The following OPCML variants were observed in gnomAD, a reference collection of about 807,000 sequenced individuals.
OPCML encodes opioid binding protein/cell adhesion molecule like.
OPCML carries 13 observed loss-of-function variants against 37.8 expected under a neutral mutation model. That is an observed-to-expected ratio of 0.34 (90% CI 0.22 to 0.55). The LOEUF (loss-of-function observed/expected upper bound fraction) is 0.55. Among genes scored for constraint, OPCML ranks in the 20% least tolerant of loss-of-function variants. The pLI, the probability that OPCML is intolerant of heterozygous loss-of-function variation, is 0.91. For missense variants in OPCML, 341 were observed against 435.6 expected (o/e 0.78, Z 1.93); for synonymous variants, 176 against 168.8 (o/e 1.04, Z -0.33).
At chr11:133,283,158 C>G (rs1942205086) in intron 1 of OPCML, among the ~76,000 whole-genome samples, 1 of 151,952 alleles carries the variant, frequency 6.6e-6, no homozygotes, top group Admixed American at 6.6e-5. Flanking sequence ...AGGGAAGGGG[C>G]AGAATAATGC....
chr11:133,053,686 G>A (rs576759919), intron 1 of OPCML, among the ~76,000 whole-genome samples: 3 of 151,994 alleles, frequency 2.0e-5, no homozygotes, highest in Admixed American at 6.5e-5. Flanking sequence ...GCTTTTCTTC[G>A]ACCTAACCTC....
At chr11:133,363,968 G>A (rs573232604) in intron 1 of OPCML, among the ~76,000 whole-genome samples, 4 of 152,196 alleles carry the variant, frequency 2.6e-5, no homozygotes, top group Admixed American at 2.0e-4. Flanking sequence ...TAGCCCTGAC[G>A]CTGCACAGCA....
intron 1 of OPCML, among the ~76,000 whole-genome samples, chr11:133,356,758 G>A (rs752817716): frequency 1.3e-5 from 2 of 152,200 alleles, no homozygotes; most frequent in African/African-American, 2.4e-5. Flanking sequence ...CGGTGTCACA[G>A]GTGTGGCAGG....
At chr11:133,464,611 T>C (rs1219564094) in intron 1 of OPCML, among the ~76,000 whole-genome samples, 1 of 151,986 alleles carries the variant, frequency 6.6e-6, no homozygotes, top group Non-Finnish European at 1.5e-5. Flanking sequence ...TGGCATCCTG[T>C]GAGAAGAAAG....
At chr11:133,003,305 T>C (rs1160234386) in intron 1 of OPCML, among the ~76,000 whole-genome samples, 1 of 152,186 alleles carries the variant, frequency 6.6e-6, no homozygotes, top group Non-Finnish European at 1.5e-5. Context: ...TTCCTAAGGC[T>C]CCAGGGAAGC....
At chr11:133,451,766 C>T (rs550759308) in intron 1 of OPCML, among the ~76,000 whole-genome samples, 3 of 151,162 alleles carry the variant, frequency 2.0e-5, no homozygotes, top group South Asian at 4.2e-4. Context: ...TGCTTGAACC[C>T]GGGAGGTGGA....
At chr11:133,224,120 ATCCT>A (rs1939943325) in intron 1 of OPCML, among the ~76,000 whole-genome samples, 1 of 152,148 alleles carries the variant, frequency 6.6e-6, no homozygotes, top group South Asian at 2.1e-4. Flanking sequence ...ATGCTTTGTA[ATCCT>A]CCAGCAGCTG....
intron 2 of OPCML, among the ~76,000 whole-genome samples, chr11:132,909,085 G>A (rs964472583): frequency 6.6e-5 from 10 of 152,196 alleles, no homozygotes; most frequent in Non-Finnish European, 8.8e-5. Context: ...CCACCCACAC[G>A]GCAGAGCTGA....
intron 1 of OPCML, among the ~76,000 whole-genome samples, chr11:133,271,177 G>C (rs2136480647): frequency 6.6e-6 from 1 of 152,092 alleles, no homozygotes; most frequent in East Asian, 1.9e-4. Flanking sequence ...AAAATAAGAG[G>C]GTGATAATGC....
chr11:133,472,952 C>T (rs1175564575), intron 1 of OPCML, among the ~76,000 whole-genome samples: 1 of 152,082 alleles, frequency 6.6e-6, no homozygotes, highest in Non-Finnish European at 1.5e-5. Flanking sequence ...TGCCCACACA[C>T]TAATGGCCCA....
At chr11:133,518,198 T>C (rs1382164759) in intron 1 of OPCML, among the ~76,000 whole-genome samples, 3 of 151,836 alleles carry the variant, frequency 2.0e-5, no homozygotes, top group Non-Finnish European at 2.9e-5. Context: ...GTGTAATGTG[T>C]ATGGAAGCGT....
chr11:132,716,551 TA>T (rs776816762), intron 2 of OPCML, among the ~76,000 whole-genome samples: 1 of 152,172 alleles, frequency 6.6e-6, no homozygotes, highest in East Asian at 1.9e-4. Flanking sequence ...TATATGTGAA[TA>T]AAAACTTTAT....
intron 1 of OPCML, among the ~76,000 whole-genome samples, chr11:133,389,436 G>T (rs1945122716): frequency 6.6e-6 from 1 of 152,248 alleles, no homozygotes; most frequent in South Asian, 2.1e-4. Context: ...GCCGGTTAAG[G>T]CATCCTCTTT....
At chr11:133,324,874 T>C (rs1165311711) in intron 1 of OPCML, among the ~76,000 whole-genome samples, 1 of 152,196 alleles carries the variant, frequency 6.6e-6, no homozygotes, top group Non-Finnish European at 1.5e-5. Context: ...GCTATAGTAT[T>C]ATAGCTATAC....
intron 3 of OPCML, among the ~76,000 whole-genome samples, chr11:132,583,418 C>T (rs1254687617): frequency 6.6e-6 from 1 of 152,028 alleles, no homozygotes; most frequent in Non-Finnish European, 1.5e-5. Flanking sequence ...CTCATCTCAG[C>T]CTCCTGAGAA....
chr11:132,469,392 GGT>G lies in OPCML; in HGVS notation c.506-32035_506-32034del, dbSNP rs2096128614. 5.9e-5 allele frequency among the ~76,000 whole-genome samples: 9 copies of G among 152,090 alleles called. No individual in the cohort carries two copies. In the South Asian group the frequency reaches 1.9e-3, roughly 32 times the overall value. On this transcript the variant is annotated intron_variant, in intron 4 of 7. Transcript: ENST00000524381. ...TGTGAGAGAGTGTATGTGAGTCTGG[GGT>G]GTGTTTGTGTGTGGGGGTGCGTGTG...
intron 1 of OPCML, among the ~76,000 whole-genome samples, chr11:133,514,903 T>C (rs1337692243): frequency 3.9e-5 from 6 of 152,188 alleles, no homozygotes; most frequent in Non-Finnish European, 8.8e-5. Flanking sequence ...AGAGAGTCAG[T>C]CCAGCTAAAT....
intron 2 of OPCML, among the ~76,000 whole-genome samples, chr11:132,775,990 G>T (rs1453819968): frequency 6.6e-6 from 1 of 152,102 alleles, no homozygotes. Flanking sequence ...GGAGTGCAGT[G>T]GTGCGATCTC....
chr11:133,286,470 CAAA>C (rs60645863), intron 1 of OPCML, among the ~76,000 whole-genome samples: 13 of 51,302 alleles, frequency 2.5e-4, no homozygotes, highest in Admixed American at 1.7e-3. Flanking sequence ...CTGTGTCTCA[CAAA>C]AAAAAAAAAA....
Sources: gnomAD v4.1 joint callset for allele counts (sites outside exome capture counted in the v4.1 genomes callset) on GRCh38, gnomAD v4.1.1 for gene constraint, MANE v1.5 for transcripts, NCBI Gene and HGNC (gene_info 2026-07-23, HGNC 2026-07-21) for gene names.